The following PKHD1 variants were observed in gnomAD, a reference collection of about 807,000 sequenced individuals.
PKHD1 encodes PKHD1 ciliary IPT domain containing fibrocystin/polyductin, also known as fibrocystin.
Under a neutral mutation model 412.0 loss-of-function variants are expected in PKHD1, and 291 were observed. That is an observed-to-expected ratio of 0.71 (90% CI 0.64 to 0.78). PKHD1 has a LOEUF of 0.78. PKHD1 is among the 30% of genes least tolerant of loss of function. The pLI is 0.00. For missense variants in PKHD1, 4,825 were observed against 4,950.7 expected, an observed-to-expected ratio of 0.97 and a Z score of 0.76; for synonymous variants, 1,777 against 1,821.5, an observed-to-expected ratio of 0.98 and a Z score of 0.62.
chr6:51,626,121 C>T (rs1297641202), intron 66 of PKHD1, among the ~76,000 whole-genome samples: 3 of 152,156 alleles, frequency 2.0e-5, no homozygotes, highest in Admixed American at 6.6e-5. Flanking sequence ...TGCACACACA[C>T]ACACACCCAC....
In PKHD1 at chr6:51,883,123, G is replaced by A. The variant is rs1475771195; in HGVS notation, c.7320C>T (p.Asp2440=). ...LESDANTSVT[D]SLLLGHFAHK... ...GGGCAAAATGACCAAGTAATAAGCT[G>A]TCAGTAACTGAAGTATTTGCATCAC... Residue 2440 remains aspartate (D), a synonymous_variant, in exon 46 of 67, where the codon GAC becomes GAT. Coordinates refer to ENST00000371117, the MANE Select transcript of PKHD1 (RefSeq NM_138694.4). 2 of 1,612,998 alleles carry A rather than the reference G, an allele frequency of 1.2e-6. No individual in the cohort carries two copies. Among genetic ancestry groups the A allele is most frequent in the Non-Finnish European group, 8.5e-7 (1 of 1,179,072 alleles).
chr6:51,792,979 C>T (rs1793998649), intron 52 of PKHD1, among the ~76,000 whole-genome samples: 1 of 152,136 alleles, frequency 6.6e-6, no homozygotes, highest in African/African-American at 2.4e-5. Context: ...ACTTCCTCTC[C>T]CACTCTGACT....
chr6:52,054,147 CT>C lies in PKHD1; in HGVS notation c.1854del (p.Gly619AlafsTer3), dbSNP rs1807328785. On this transcript the variant is annotated frameshift_variant, in exon 20 of 67. Transcript: ENST00000371117. LOFTEE classifies it high-confidence loss of function. ...DQYTHLCLAY[K>X]GHMNKILKMI... ...ATCTTCAGGATCTTGTTCATGTGGCCTTTGTATGCAAGACACAGCTATGGAC... is the reference window on the plus strand; with the variant it reads ...ATCTTCAGGATCTTGTTCATGTGGCCTTGTATGCAAGACACAGCTATGGAC... 1.2e-6 allele frequency: 2 copies of C among 1,613,984 alleles called. No homozygotes were observed. The highest frequency in any genetic ancestry group is 1.7e-6 in the Non-Finnish European group (2 of 1,179,890).
intron 35 of PKHD1, among the ~76,000 whole-genome samples, chr6:51,986,112 TATA>T (rs1335189922): frequency 6.6e-6 from 1 of 152,308 alleles, no homozygotes; most frequent in Non-Finnish European, 1.5e-5. Context: ...TCTGTGTAGT[TATA>T]ATGATTTCAA....
intron 54 of PKHD1, among the ~76,000 whole-genome samples, chr6:51,775,517 T>A (rs1790875214): frequency 6.6e-6 from 1 of 151,960 alleles, no homozygotes; most frequent in Non-Finnish European, 1.5e-5. Flanking sequence ...TAATATTGAC[T>A]CAGTCGAAAC....
chr6:51,712,577 T>G (rs1258461112), intron 60 of PKHD1, among the ~76,000 whole-genome samples: 1 of 152,222 alleles, frequency 6.6e-6, no homozygotes, highest in Non-Finnish European at 1.5e-5. Context: ...AAGGTTCAGA[T>G]ATACCATTTG....
intron 37 of PKHD1, among the ~76,000 whole-genome samples, chr6:51,925,636 G>T (rs1248414966): frequency 6.6e-6 from 1 of 152,110 alleles, no homozygotes; most frequent in Non-Finnish European, 1.5e-5. Flanking sequence ...GGTCTTATCT[G>T]GTCTTCAAAC....
At chr6:51,942,798 C>T (rs1414930193) in intron 36 of PKHD1, among the ~76,000 whole-genome samples, 1 of 151,618 alleles carries the variant, frequency 6.6e-6, no homozygotes, top group Non-Finnish European at 1.5e-5. Context: ...ATTTACTTTC[C>T]ATCGTGGAAA....
At chr6:52,041,060 A>G (rs1479692001) in intron 27 of PKHD1, among the ~76,000 whole-genome samples, 2 of 152,238 alleles carry the variant, frequency 1.3e-5, no homozygotes, top group Admixed American at 6.5e-5. Context: ...CCGTACCTTA[A>G]AGAAGACAAT....
chr6:51,774,519 G>A (rs1329070594), intron 54 of PKHD1, among the ~76,000 whole-genome samples: 1 of 151,690 alleles, frequency 6.6e-6, no homozygotes, highest in Non-Finnish European at 1.5e-5. Context: ...TGTCAACTTA[G>A]AAAAATTAAA....
chr6:51,960,383 C>G (rs1305472430), intron 35 of PKHD1, among the ~76,000 whole-genome samples: 1 of 152,034 alleles, frequency 6.6e-6, no homozygotes, highest in Non-Finnish European at 1.5e-5. Flanking sequence ...AGGCCCCATT[C>G]TACCTAACAG....
chr6:51,842,821 G>A (rs2151594090), intron 50 of PKHD1, among the ~76,000 whole-genome samples: 1 of 152,348 alleles, frequency 6.6e-6, no homozygotes, highest in African/African-American at 2.4e-5. Context: ...ACAGGAGTGT[G>A]CAGAAGGCCA....
intron 60 of PKHD1, among the ~76,000 whole-genome samples, chr6:51,697,630 A>C (rs996476878): frequency 6.6e-6 from 1 of 152,222 alleles, no homozygotes; most frequent in African/African-American, 2.4e-5. Flanking sequence ...ATCTGCAGAC[A>C]TTGCCAAATG....
intron 60 of PKHD1, among the ~76,000 whole-genome samples, chr6:51,686,142 C>T (rs1413575696): frequency 2.0e-5 from 3 of 152,094 alleles, no homozygotes; most frequent in African/African-American, 7.2e-5. Flanking sequence ...ATGACAGCAC[C>T]TAAATCTTAC....
chr6:51,884,429 T>G (rs540723063), intron 45 of PKHD1, among the ~76,000 whole-genome samples: 1 of 152,350 alleles, frequency 6.6e-6, no homozygotes, highest in South Asian at 2.1e-4. Context: ...TATTGTTGCT[T>G]TGTAGCAAGT....
At chr6:51,991,279 A>G (rs1797011313) in intron 35 of PKHD1, among the ~76,000 whole-genome samples, 1 of 152,232 alleles carries the variant, frequency 6.6e-6, no homozygotes, top group African/African-American at 2.4e-5. Context: ...AAGAGAAAAT[A>G]AAAGAGACTC....
rs368854532 is a variant in PKHD1 at position 51,659,306 on chromosome 6, G to A, written c.10820C>T (p.Thr3607Ile). Residue 3607 changes from threonine (T) to isoleucine (I), a missense_variant, in exon 61 of 67, where the codon ACC becomes ATC. Coordinates refer to ENST00000371117, the MANE Select transcript of PKHD1 (RefSeq NM_138694.4). ...FIHEMPGHEE[T>I]LKAIADSRAK... ...TCTACTGTCAGCAATGGCCTTTAAGGTCTCTTCATGGCCAGGCATCTCGTG... is the reference window on the plus strand; with the variant it reads ...TCTACTGTCAGCAATGGCCTTTAAGATCTCTTCATGGCCAGGCATCTCGTG... 1 of 1,613,712 alleles carries A rather than the reference G, an allele frequency of 6.2e-7. No homozygotes were observed. The highest frequency in any genetic ancestry group is 1.3e-5 in the African/African-American group (1 of 74,980).
At chr6:51,903,551 T>C (rs1781592475) in intron 43 of PKHD1, 46 bp downstream of exon 43, 3 of 1,575,438 alleles carry the variant, frequency 1.9e-6, no homozygotes, top group Non-Finnish European at 2.6e-6. Flanking sequence ...GAAAGAACTT[T>C]ATGCCCTCTC....
intron 51 of PKHD1, among the ~76,000 whole-genome samples, chr6:51,831,726 G>A (rs1019592195): frequency 1.3e-5 from 2 of 152,096 alleles, no homozygotes; most frequent in Admixed American, 6.6e-5. Flanking sequence ...TTCTCAGGGT[G>A]GTAACTTACA....
Sources: gnomAD v4.1 joint callset for allele counts (sites outside exome capture counted in the v4.1 genomes callset) on GRCh38, gnomAD v4.1.1 for gene constraint, MANE v1.5 for transcripts, NCBI Gene and HGNC (gene_info 2026-07-23, HGNC 2026-07-21) for gene names.